Variants in MORN4 observed in about 807,000 individuals in gnomAD.
The protein encoded by MORN4 is MORN repeat-containing protein 4.
A neutral mutation model predicts 16.4 loss-of-function variants in MORN4; 8 were observed. The observed-to-expected ratio is 0.49, with a 90% CI of 0.29 to 0.88. MORN4 has a LOEUF of 0.88. Among genes scored for constraint, MORN4 ranks in the 40% least tolerant of loss-of-function variants. The pLI is 0.09. For missense variants in MORN4, 159 were observed against 182.9 expected (o/e 0.87, Z 0.75); for synonymous variants, 53 against 68.9 (o/e 0.77, Z 1.14).
chr10:97,618,223 AT>A (rs2041255128), intron 2 of MORN4, among the ~76,000 whole-genome samples: 1 of 141,210 alleles, frequency 7.1e-6, no homozygotes, highest in African/African-American at 2.6e-5. Context: ...TAACATGTGT[AT>A]TTATAGTGCC....
At chr10:97,632,626 T>C (rs2041406534) in intron 1 of MORN4, among the ~76,000 whole-genome samples, 1 of 152,070 alleles carries the variant, frequency 6.6e-6, no homozygotes, top group Admixed American at 6.6e-5. Flanking sequence ...ATCGTTGCTA[T>C]ATGAAGGGTT....
At chr10:97,618,389 C>T (rs2041257868) in intron 2 of MORN4, among the ~76,000 whole-genome samples, 2 of 151,504 alleles carry the variant, frequency 1.3e-5, no homozygotes, top group Non-Finnish European at 2.9e-5. Flanking sequence ...CTCAGCCTCC[C>T]CAGTAGCTGG....
In MORN4 at chr10:97,619,091, G is replaced by A. The variant is rs552708433; in HGVS notation, c.67+496C>T. Among the ~76,000 whole-genome samples, 22 of 152,276 alleles carry A rather than the reference G, an allele frequency of 1.4e-4. 1 individual carries two copies. The South Asian group carries it at 3.7e-3, about 26-fold the overall frequency. On this transcript the variant is annotated intron_variant, in intron 2 of 4. Transcript: ENST00000307450. ...TGTAATCCCAGCACTTGGGGAGGCCGAGGTGGGCAGATCACCTGAGGTCAG... is the reference window on the plus strand; with the variant it reads ...TGTAATCCCAGCACTTGGGGAGGCCAAGGTGGGCAGATCACCTGAGGTCAG...
At chr10:97,629,949 C>T (rs1209047387) in intron 1 of MORN4, among the ~76,000 whole-genome samples, 1 of 123,974 alleles carries the variant, frequency 8.1e-6, no homozygotes, top group Non-Finnish European at 1.6e-5. Context: ...TTTTTTGAGA[C>T]GGAGTCTTGC....
chr10:97,632,162 A>G (rs1022586058), intron 1 of MORN4, among the ~76,000 whole-genome samples: 5 of 152,046 alleles, frequency 3.3e-5, no homozygotes, highest in Non-Finnish European at 7.4e-5. Context: ...TTTGATGAAC[A>G]AAGATTAGCC....
chr10:97,618,345 AC>A (rs1298088199), intron 2 of MORN4, among the ~76,000 whole-genome samples: 1 of 138,506 alleles, frequency 7.2e-6, no homozygotes, highest in East Asian at 2.2e-4. Flanking sequence ...GCTCACTGTA[AC>A]CTCCGCCTCC....
At chr10:97,617,123 G>T in intron 3 of MORN4, 85 bp downstream of exon 3, 1 of 1,025,656 alleles carries the variant, frequency 9.7e-7, no homozygotes, top group Non-Finnish European at 1.5e-6. Context: ...ACAAGGTCAG[G>T]ATTGACCAGA....
At chr10:97,632,463 C>T (rs897178316) in intron 1 of MORN4, among the ~76,000 whole-genome samples, 19 of 151,968 alleles carry the variant, frequency 1.3e-4, no homozygotes, top group Non-Finnish European at 1.6e-4. Context: ...GTGATCCACC[C>T]GCCTCGGCCT....
At chr10:97,631,903 G>T (rs2041399080) in intron 1 of MORN4, among the ~76,000 whole-genome samples, 1 of 152,008 alleles carries the variant, frequency 6.6e-6, no homozygotes, top group Non-Finnish European at 1.5e-5. Context: ...CACCACACCT[G>T]TACTCCAGCC....
intron 1 of MORN4, among the ~76,000 whole-genome samples, chr10:97,620,206 G>T (rs1006725682): frequency 6.6e-6 from 1 of 151,942 alleles, no homozygotes; most frequent in African/African-American, 2.4e-5. Flanking sequence ...TAGGGAACAG[G>T]CCAGGGGCAG....
At chr10:97,617,425 A>G (rs2041246280) in intron 2 of MORN4, 103 bp from the exon 3 acceptor site, 1 of 864,788 alleles carries the variant, frequency 1.2e-6, no homozygotes, top group African/African-American at 1.7e-5. Flanking sequence ...ACCCACAAAG[A>G]AAACAAGAGA....
chr10:97,629,845 G>A (rs976699464), intron 1 of MORN4, among the ~76,000 whole-genome samples: 3 of 150,356 alleles, frequency 2.0e-5, no homozygotes, highest in Admixed American at 6.7e-5. Flanking sequence ...TGCAAGCTCC[G>A]CCTCCCGGGT....
chr10:97,620,412 C>T (rs1228949511), intron 1 of MORN4, among the ~76,000 whole-genome samples: 4 of 142,490 alleles, frequency 2.8e-5, no homozygotes, highest in East Asian at 2.2e-4. Flanking sequence ...CACTTAAACC[C>T]GGGAGGCGGA....
rs1333158261 is a variant in MORN4 at position 97,615,753 on chromosome 10, A to AATC, written c.*509_*510insGAT. The AATC allele has an allele frequency of 6.6e-6, 1 of 151,562 alleles. No individual in the cohort carries two copies. The highest frequency in any genetic ancestry group is 2.1e-4 in the South Asian group (1 of 4,812). 9.4% of individuals were successfully genotyped at this position (151,562 alleles called of 1,614,324 possible). On this transcript the variant is annotated 3_prime_UTR_variant, in exon 5 of 5. Transcript: ENST00000307450. ...TAAAAAATAAAATAATAATAATAAT[A>AATC]ATAAAAAAATTAAAAAAGAAAAGCT... is the stretch of plus-strand genomic sequence containing the variant.
chr10:97,620,291 C>A (rs1285972726), intron 1 of MORN4, among the ~76,000 whole-genome samples: 1 of 151,154 alleles, frequency 6.6e-6, no homozygotes, highest in Non-Finnish European at 1.5e-5. Context: ...TGTTTGAGAC[C>A]AGCCTGGCCA....
intron 3 of MORN4, 76 bp from the exon 4 acceptor site, chr10:97,616,863 C>T: frequency 9.8e-7 from 1 of 1,024,186 alleles, no homozygotes; most frequent in East Asian, 2.4e-5. Flanking sequence ...AGCTGCTGAT[C>T]TCTGTTATTT....
intron 2 of MORN4, among the ~76,000 whole-genome samples, chr10:97,618,649 C>G (rs1349366064): frequency 6.6e-6 from 1 of 152,164 alleles, no homozygotes; most frequent in East Asian, 1.9e-4. Flanking sequence ...ATGATTACTC[C>G]TGCAACATCT....
chr10:97,619,101 G>A (rs545068729), intron 2 of MORN4, among the ~76,000 whole-genome samples: 1 of 152,294 alleles, frequency 6.6e-6, no homozygotes, highest in African/African-American at 2.4e-5. Flanking sequence ...GAGGTGGGCA[G>A]ATCACCTGAG....
chr10:97,617,174 T>C (rs754381968), intron 3 of MORN4, 34 bp downstream of exon 3: 1 of 1,543,404 alleles, frequency 6.5e-7, no homozygotes, highest in Non-Finnish European at 9.0e-7. Context: ...CCCTCCCTTA[T>C]TTAAGGCTAA....
Sources: gnomAD v4.1 joint callset for allele counts (sites outside exome capture counted in the v4.1 genomes callset) on GRCh38, gnomAD v4.1.1 for gene constraint, MANE v1.5 for transcripts, NCBI Gene and HGNC (gene_info 2026-07-23, HGNC 2026-07-21) for gene names.